RGS12: variants seen among roughly 807,000 people sequenced by gnomAD.
RGS12 encodes the protein regulator of G-protein signaling 12.
Under a neutral mutation model 120.1 loss-of-function variants are expected in RGS12, and 66 were observed. The ratio of observed to expected loss-of-function variants is 0.55; its 90% CI spans 0.45 to 0.67. RGS12 has a LOEUF of 0.67. Among genes scored for constraint, RGS12 ranks in the 30% least tolerant of loss-of-function variants. The pLI is 0.00. For missense variants in RGS12, 1,859 were observed against 1,957.7 expected (o/e 0.95, Z 0.95); for synonymous variants, 827 against 804.7 (o/e 1.03, Z -0.47).
At chr4:3,405,224 C>T (rs181814798) in intron 4 of RGS12, among the ~76,000 whole-genome samples, 25 of 152,310 alleles carry the variant, frequency 1.6e-4, no homozygotes, top group Admixed American at 5.9e-4. Context: ...TAGTTCTGCA[C>T]GAAGCTTATT....
At chr4:3,411,877 C>T (rs1223894185) in intron 4 of RGS12, among the ~76,000 whole-genome samples, 2 of 152,404 alleles carry the variant, frequency 1.3e-5, no homozygotes, top group Middle Eastern at 3.4e-3. Context: ...TGCGTGTGAG[C>T]GCTGGTGCGC....
At chr4:3,304,528 G>C (rs1303481847) in intron 1 of RGS12, among the ~76,000 whole-genome samples, 1 of 152,200 alleles carries the variant, frequency 6.6e-6, no homozygotes. Context: ...AGCCAGCCTG[G>C]CTTTGAATCC....
intron 1 of RGS12, among the ~76,000 whole-genome samples, chr4:3,301,672 G>C (rs1033593166): frequency 1.3e-5 from 2 of 148,212 alleles, no homozygotes; most frequent in Non-Finnish European, 3.0e-5. Context: ...TGGGGATGGA[G>C]AGTGAGGCCG....
intron 4 of RGS12, among the ~76,000 whole-genome samples, chr4:3,387,819 A>T (rs1204416359): frequency 6.6e-6 from 1 of 152,236 alleles, no homozygotes; most frequent in East Asian, 1.9e-4. Context: ...TATACATGAA[A>T]GATTTGCCTA....
rs139627645 is a variant in RGS12 at position 3,414,178 on chromosome 4, C to T, written c.2127C>T (p.Val709=). 875 of 1,553,122 alleles carry T rather than the reference C, an allele frequency of 5.6e-4. 1 individual carries two copies. Among genetic ancestry groups the T allele is most frequent in the East Asian group, 7.7e-4 (32 of 41,826 alleles). Residue 709 remains valine (V), a synonymous_variant, in exon 5 of 18, where the codon GTC becomes GTT. Coordinates refer to ENST00000336727, the MANE Select transcript of RGS12 (RefSeq NM_001394154.1). ...QSCRRLRERR[V]ASWAVSFERL... ...GCCGGCGCCTGCGTGAGAGGAGGGT[C>T]GCCAGCTGGGCCGTGTCCTTTGAGC...
chr4:3,422,231 G>A, intron 10 of RGS12, 145 bp from the exon 11 acceptor site: 1 of 685,818 alleles, frequency 1.5e-6, no homozygotes, highest in South Asian at 1.9e-5. Flanking sequence ...TGAGATGTGT[G>A]CACCTGGGGA....
At chr4:3,379,767 G>C (rs1372506362) in intron 3 of RGS12, among the ~76,000 whole-genome samples, 2 of 152,072 alleles carry the variant, frequency 1.3e-5, no homozygotes, top group Admixed American at 6.5e-5. Flanking sequence ...TCACCAGGGG[G>C]TAACTGCCCC....
At chr4:3,292,968 C>CT (rs1371987641), upstream of RGS12, 1 of 150,094 alleles carries the variant, frequency 6.7e-6, no homozygotes, top group Non-Finnish European at 1.5e-5. Flanking sequence ...CCTCTCCGTC[C>CT]CCGCCCCTCC....
intron 1 of RGS12, chr4:3,312,605 G>T: frequency 4.3e-6 from 1 of 232,206 alleles, no homozygotes; most frequent in South Asian, 7.7e-5. Context: ...GCCCAGTGAT[G>T]AGCAGCCTCA....
At chr4:3,396,011 A>G (rs1005063662) in intron 4 of RGS12, among the ~76,000 whole-genome samples, 3 of 152,172 alleles carry the variant, frequency 2.0e-5, no homozygotes, top group African/African-American at 4.8e-5. Flanking sequence ...AGCTAATACA[A>G]TGTAAATGGT....
rs758645270 is a variant in RGS12 at position 3,317,986 on chromosome 4, G to T, written c.1816G>T (p.Ala606Ser). The T allele has an allele frequency of 5.0e-6, 8 of 1,611,760 alleles. No homozygotes were observed. The highest frequency in any genetic ancestry group is 1.1e-5 in the South Asian group (1 of 90,740). Residue 606 changes from alanine to serine, a missense_variant, in exon 2 of 18, where the codon GCC becomes TCC. This residue lies in a region of RGS12 where 967 missense variants were observed against 994.2 expected (regional missense o/e 0.97). Coordinates refer to ENST00000336727, the MANE Select transcript of RGS12 (RefSeq NM_001394154.1). Reference sequence around the variant, plus strand: ...CCCGAAGAGGGAGTGGTCCAGGAAGGCCTTTGGAATGCAAAGCATTTTTGG... The same window carrying T: ...CCCGAAGAGGGAGTGGTCCAGGAAGTCCTTTGGAATGCAAAGCATTTTTGG... ...NAPKREWSRKAFGMQSIFGPH... is the reference protein window; with the variant it reads ...NAPKREWSRKSFGMQSIFGPH...
intron 2 of RGS12, among the ~76,000 whole-genome samples, chr4:3,338,512 G>C (rs1360446008): frequency 6.6e-6 from 1 of 152,242 alleles, no homozygotes; most frequent in Admixed American, 6.5e-5. Flanking sequence ...CCGGTTGACC[G>C]GCCGTCCCTT....
At chr4:3,410,036 C>T (rs1721571818) in intron 4 of RGS12, among the ~76,000 whole-genome samples, 1 of 152,200 alleles carries the variant, frequency 6.6e-6, no homozygotes, top group Non-Finnish European at 1.5e-5. Flanking sequence ...TCCCTGGAGG[C>T]CAGTTAACGT....
intron 3 of RGS12, among the ~76,000 whole-genome samples, chr4:3,384,241 A>G (rs1577023178): frequency 6.6e-6 from 1 of 151,396 alleles, no homozygotes; most frequent in Non-Finnish European, 1.5e-5. Context: ...TGCAACCTCT[A>G]CCTCCCGGGT....
At chr4:3,409,689 A>G (rs1442335082) in intron 4 of RGS12, among the ~76,000 whole-genome samples, 3 of 152,196 alleles carry the variant, frequency 2.0e-5, no homozygotes, top group African/African-American at 7.2e-5. Context: ...AGGGAGGCAG[A>G]CGGTTCACGT....
chr4:3,287,766 C>A, the RGS12 span, among the ~76,000 whole-genome samples: 1 of 152,246 alleles, frequency 6.6e-6, no homozygotes, highest in South Asian at 2.1e-4. Flanking sequence ...GTGAATTCCA[C>A]AACACGGGCA....
At chr4:3,346,676 A>G (rs145923242) in intron 3 of RGS12, among the ~76,000 whole-genome samples, 130 of 152,352 alleles carry the variant, frequency 8.5e-4, no homozygotes, top group Non-Finnish European at 1.4e-3. Context: ...GCTCCAGTCT[A>G]ATAACAGGAG....
chr4:3,320,212 G>A (rs896796873), intron 2 of RGS12, among the ~76,000 whole-genome samples: 13 of 152,190 alleles, frequency 8.5e-5, no homozygotes, highest in Non-Finnish European at 1.6e-4. Flanking sequence ...GGTCCTCAGC[G>A]GACCTGAGAG....
intron 17 of RGS12, among the ~76,000 whole-genome samples, chr4:3,437,082 G>A (rs571443969): frequency 6.6e-6 from 1 of 152,136 alleles, no homozygotes; most frequent in African/African-American, 2.4e-5. Flanking sequence ...GGGCAAGAAG[G>A]TGCTCCCCGG....
Sources: allele counts gnomAD v4.1 joint callset (sites outside exome capture counted in the v4.1 genomes callset), GRCh38; gene constraint gnomAD v4.1.1; regional missense constraint gnomAD v4.1.1; transcripts MANE v1.5; gene names NCBI Gene and HGNC (gene_info 2026-07-23, HGNC 2026-07-21).